Variants in RSPH6A observed in about 807,000 individuals in gnomAD.
RSPH6A encodes the protein radial spoke head 6 homolog A, also known as radial spoke head protein 6 homolog A.
RSPH6A carries 49 observed loss-of-function variants against 66.1 expected under a neutral mutation model. The observed-to-expected ratio is 0.74, with a 90% CI of 0.59 to 0.94. RSPH6A has a LOEUF of 0.94. Among genes scored for constraint, RSPH6A ranks in the 40% least tolerant of loss-of-function variants. RSPH6A has a pLI of 0.00. For missense variants in RSPH6A, 977 were observed against 948.3 expected (o/e 1.03, Z -0.40); for synonymous variants, 419 against 402.4 (o/e 1.04, Z -0.49).
At chr19:45,806,423 A>C (rs1970543868) in intron 2 of RSPH6A, among the ~76,000 whole-genome samples, 3 of 152,122 alleles carry the variant, frequency 2.0e-5, no homozygotes, top group Non-Finnish European at 4.4e-5. Flanking sequence ...CTGTAATCCC[A>C]GCACTTTGGG....
intron 5 of RSPH6A, 54 bp from the exon 6 acceptor site, chr19:45,796,160 CT>C (rs373732701): frequency 0.16 from 145,227 of 888,654 alleles, 1,220 homozygotes; most frequent in African/African-American, 0.28. Flanking sequence ...CCAGACTTGA[CT>C]TTTTTTTTTT....
chr19:45,795,842 T>C lies in RSPH6A; in HGVS notation c.*27A>G. 6.3e-7 allele frequency: 1 copy of C among 1,580,364 alleles called. No individual in the cohort carries two copies. Among genetic ancestry groups the C allele is most frequent in the Non-Finnish European group, 8.6e-7 (1 of 1,161,512 alleles). ...AAGGGGAAATTTGCTATCTACCTGC[T>C]TGGGGAAAGTGGCTAGAGGGTGGGC... is the stretch of plus-strand genomic sequence containing the variant. On this transcript the variant is annotated 3_prime_UTR_variant, in exon 6 of 6. Coordinates refer to ENST00000221538, the MANE Select transcript of RSPH6A (RefSeq NM_030785.4).
chr19:45,812,484 G>A (rs1487128260), intron 1 of RSPH6A, among the ~76,000 whole-genome samples: 1 of 152,080 alleles, frequency 6.6e-6, no homozygotes, highest in African/African-American at 2.4e-5. Flanking sequence ...TCTTGGGTGT[G>A]GTGTTGGGCC....
At chr19:45,801,514 A>C (rs1309410718) in intron 4 of RSPH6A, among the ~76,000 whole-genome samples, 1 of 152,162 alleles carries the variant, frequency 6.6e-6, no homozygotes. Context: ...TAATCCCAGC[A>C]CTTTGGGAGG....
intron 5 of RSPH6A, among the ~76,000 whole-genome samples, chr19:45,800,042 A>G (rs1044503396): frequency 1.3e-5 from 2 of 152,036 alleles, no homozygotes; most frequent in African/African-American, 4.8e-5. Flanking sequence ...ACAGAGCGAG[A>G]CTCCATCTCA....
In RSPH6A at chr19:45,804,300, G is replaced by A. The variant is rs374630554; in HGVS notation, c.1605C>T (p.Val535=). ...DFEGIPVLEL[V]DSMANWVHHT... The stretch of plus-strand genomic sequence containing the variant: ...GATGCACCCAGTTGGCCATGGAGTC[G>A]ACCAGCTCCAGCACGGGGATGCCCT... Residue 535 remains valine (V), a synonymous_variant, in exon 3 of 6, where the codon GTC becomes GTT. Transcript: ENST00000221538. This position sits in a 1 kb window ranked among gnomAD's most constrained non-coding sequence, Gnocchi z 5.8. The A allele has an allele frequency of 1.2e-5, 19 of 1,613,810 alleles. No individual in the cohort carries two copies. Among genetic ancestry groups the A allele is most frequent in the East Asian group, 1.1e-4 (5 of 44,896 alleles).
In RSPH6A at chr19:45,795,731, T is replaced by C; in HGVS notation, c.*138A>G. 1 of 781,804 alleles carries C rather than the reference T, an allele frequency of 1.3e-6. No individual in the cohort carries two copies. Among genetic ancestry groups the C allele is most frequent in the Non-Finnish European group, 2.1e-6 (1 of 482,912 alleles). 48.4% of individuals were successfully genotyped at this position (781,804 alleles called of 1,614,324 possible). ...TCCATAATGCCGTGGAGGAATTTTA[T>C]TTGAAGCAGTTGCCTTCCTTTTCTA... is the stretch of plus-strand genomic sequence containing the variant. On this transcript the variant is annotated 3_prime_UTR_variant, in exon 6 of 6. Coordinates refer to ENST00000221538, the MANE Select transcript of RSPH6A (RefSeq NM_030785.4).
chr19:45,810,973 A>C, intron 1 of RSPH6A, 133 bp from the exon 2 acceptor site: 1 of 547,216 alleles, frequency 1.8e-6, no homozygotes, highest in East Asian at 3.1e-5. Flanking sequence ...GCCCAGGTGT[A>C]GCTGACATTT....
chr19:45,802,159 C>A lies in RSPH6A; in HGVS notation c.1759G>T (p.Val587Phe). The stretch of plus-strand genomic sequence containing the variant: ...AGTGGCGTTAGCAGTGGGGGGCCAA[C>A]CTCCTGCTCCACCTCCTCTGGCCCC... Reference protein sequence around the residue: ...DEGPEEVEQEVGPPLLTPLSE... With the variant: ...DEGPEEVEQEFGPPLLTPLSE... Residue 587 changes from valine (V) to phenylalanine (F), a missense_variant, in exon 4 of 6, where the codon GTT (valine) becomes TTT (phenylalanine). Coordinates refer to ENST00000221538, the MANE Select transcript of RSPH6A (RefSeq NM_030785.4). The A allele has an allele frequency of 1.3e-6, 2 of 1,560,694 alleles. No individual in the cohort carries two copies. Among genetic ancestry groups the A allele is most frequent in the Non-Finnish European group, 1.7e-6 (2 of 1,148,768 alleles).
In RSPH6A at chr19:45,806,670, CAAAAAAAAAAAAAAAAAA is replaced by C. The variant is rs71175223; in HGVS notation, c.889-1672_889-1655del. ...TGGGTGACAGAGTGAGACTCTGTCT[CAAAAAAAAAAAAAAAAAA>C]AAAAAAAAAAAAAAAAAAAAGGAGG... is the stretch of plus-strand genomic sequence containing the variant. On this transcript the variant is annotated intron_variant, in intron 2 of 5. Transcript: ENST00000221538. Among the ~76,000 whole-genome samples the C allele has an allele frequency of 2.1e-4, 6 of 29,150 alleles. No homozygotes were observed. The South Asian group carries it at 0.01, about 50-fold the overall frequency. The allele number at this position is 29,150 out of a possible 152,430, so 19.1% of individuals were successfully genotyped here.
chr19:45,804,951 C>G lies in RSPH6A; in HGVS notation c.954G>C (p.Leu318=). The G allele has an allele frequency of 6.2e-7, 1 of 1,614,158 alleles. No homozygotes were observed. Among genetic ancestry groups the G allele is most frequent in the Non-Finnish European group, 8.5e-7 (1 of 1,180,034 alleles). The change falls in exon 3 of 6, where the codon CTG becomes CTC. Residue 318 remains leucine (L), a synonymous_variant. Transcript: ENST00000221538. The surrounding 1 kb of genome is among the most constrained non-coding windows in gnomAD (Gnocchi z 5.8). ...AAATGCGGAAGCTCTCGTCCGAGCT[C>G]AGGCCGACGCCGGCCTGCTCGAAGT... The part of the protein sequence containing the change: ...AFYFEQAGVG[L]SSDESFRIFL...
At chr19:45,799,498 A>T (rs1242543395) in intron 5 of RSPH6A, among the ~76,000 whole-genome samples, 1 of 151,572 alleles carries the variant, frequency 6.6e-6, no homozygotes, top group South Asian at 2.1e-4. Context: ...AGTAGCTGGG[A>T]CTCTGTAGTC....
chr19:45,804,274 T>C lies in RSPH6A; in HGVS notation c.1631A>G (p.His544Arg). 1.2e-6 allele frequency: 2 copies of C among 1,612,582 alleles called. No homozygotes were observed. Among genetic ancestry groups the C allele is most frequent in the Admixed American group, 1.7e-5 (1 of 59,980 alleles). The change falls in exon 3 of 6, where the codon CAC (histidine) becomes CGC (arginine). Residue 544 changes from histidine to arginine, a missense_variant. His to Arg is a conservative substitution (Grantham distance 29). Coordinates refer to ENST00000221538, the MANE Select transcript of RSPH6A (RefSeq NM_030785.4). The surrounding 1 kb of genome is among the most constrained non-coding windows in gnomAD (Gnocchi z 5.8). ...CACCTGCGGCAGGATGTGCTGTGTG[T>C]GATGCACCCAGTTGGCCATGGAGTC... is the stretch of plus-strand genomic sequence containing the variant. ...LVDSMANWVH[H>R]TQHILPQGRC...
At chr19:45,805,700 AG>A (rs879348178) in intron 2 of RSPH6A, among the ~76,000 whole-genome samples, 1,297 of 40,424 alleles carry the variant, frequency 0.032, 12 homozygotes, top group African/African-American at 0.043. Flanking sequence ...TCAAAAAAAA[AG>A]AGAAAGAAAG....
At chr19:45,799,936 A>T (rs1372139815) in intron 5 of RSPH6A, among the ~76,000 whole-genome samples, 1 of 152,198 alleles carries the variant, frequency 6.6e-6, no homozygotes, top group Non-Finnish European at 1.5e-5. Context: ...AGTCCCAGCT[A>T]CTAGGGAGGC....
intron 4 of RSPH6A, 134 bp downstream of exon 4, chr19:45,801,977 GATTACACCC>G: frequency 1.3e-6 from 1 of 765,676 alleles, no homozygotes; most frequent in East Asian, 3.3e-5. Context: ...GGGCCACTGT[GATTACACCC>G]ATTTTTTAGC....
At chr19:45,798,604 C>T (rs1257239290) in intron 5 of RSPH6A, among the ~76,000 whole-genome samples, 2 of 148,602 alleles carry the variant, frequency 1.3e-5, no homozygotes, top group African/African-American at 5.0e-5. Flanking sequence ...TTTGGGAGGC[C>T]GAGGTGGGCG....
intron 2 of RSPH6A, among the ~76,000 whole-genome samples, chr19:45,810,069 G>A (rs1600478971): frequency 6.6e-6 from 1 of 152,336 alleles, no homozygotes; most frequent in Non-Finnish European, 1.5e-5. Context: ...AATACTTTGG[G>A]AGGCCGAGGC....
In RSPH6A at chr19:45,810,592, G is replaced by A. The variant is rs766222204; in HGVS notation, c.888+11C>T. The stretch of plus-strand genomic sequence containing the variant: ...ACCCTGATGCCCACCTCTCCTGACT[G>A]GCTCACTCACCACCTCCTCCTCCAT... On this transcript the variant is annotated intron_variant, in intron 2 of 5. Transcript: ENST00000221538. The A allele has an allele frequency of 1.1e-5, 18 of 1,612,382 alleles. 1 individual carries two copies. The highest frequency in any genetic ancestry group is 1.7e-4 in the Middle Eastern group (1 of 6,058).
Sources: allele counts gnomAD v4.1 joint callset (sites outside exome capture counted in the v4.1 genomes callset), GRCh38; gene constraint gnomAD v4.1.1; non-coding constraint Gnocchi (gnomAD v3.1); transcripts MANE v1.5; gene names NCBI Gene and HGNC (gene_info 2026-07-23, HGNC 2026-07-21).